Variants in DGKG observed in about 807,000 individuals in gnomAD.
DGKG encodes diacylglycerol kinase gamma, also known as DAG kinase gamma.
In DGKG, 78 loss-of-function variants were observed where a neutral mutation model predicts 105.3. The observed-to-expected ratio is 0.74, with a 90% CI of 0.62 to 0.89. The LOEUF (loss-of-function observed/expected upper bound fraction) is 0.89. DGKG is among the 40% of genes least tolerant of loss of function. DGKG has a pLI of 0.00. For synonymous variants in DGKG, 346 were observed against 367.1 expected (o/e 0.94, Z 0.66); for missense variants, 958 against 1,020.1 (o/e 0.94, Z 0.83).
At chr3:186,243,543 C>G (rs1347550866) in intron 19 of DGKG, among the ~76,000 whole-genome samples, 1 of 152,190 alleles carries the variant, frequency 6.6e-6, no homozygotes, top group Admixed American at 6.5e-5. Context: ...CTAGAGCCAA[C>G]CCTAAGCCTC....
chr3:186,211,778 C>A lies in DGKG; in HGVS notation c.1917+17G>T, dbSNP rs1160436351. 3 of 1,604,380 alleles carry A rather than the reference C, an allele frequency of 1.9e-6. No individual in the cohort carries two copies. Among genetic ancestry groups the A allele is most frequent in the Non-Finnish European group, 1.7e-6 (2 of 1,171,236 alleles). On this transcript the variant is annotated intron_variant, in intron 21 of 24. Coordinates refer to ENST00000265022, the MANE Select transcript of DGKG (RefSeq NM_001346.3). ...GAACCAAGATCCAGGAAGCCTTCTC[C>A]CCACTTGGGAACTTACCTCCAACTC...
At chr3:186,349,858 T>A (rs934533577) in intron 1 of DGKG, among the ~76,000 whole-genome samples, 2 of 152,044 alleles carry the variant, frequency 1.3e-5, no homozygotes, top group Non-Finnish European at 2.9e-5. Context: ...TACATTGTTG[T>A]GCAACCATTG....
chr3:186,310,391 G>A (rs1160756006), intron 2 of DGKG, among the ~76,000 whole-genome samples: 2 of 151,522 alleles, frequency 1.3e-5, no homozygotes, highest in Non-Finnish European at 2.9e-5. Flanking sequence ...GGCTTTCATA[G>A]GATTATAGTA....
rs1715681907 is a variant in DGKG at position 186,150,027 on chromosome 3, G to C, written c.*63C>G. On this transcript the variant is annotated 3_prime_UTR_variant, in exon 25 of 25. Coordinates refer to ENST00000265022, the MANE Select transcript of DGKG (RefSeq NM_001346.3). Reference sequence around the variant, plus strand: ...ATGTGTGAGTGTGCACATAAATTGTGTGTGAGTGTGCATTATAGTTTCTTG... The same window carrying C: ...ATGTGTGAGTGTGCACATAAATTGTCTGTGAGTGTGCATTATAGTTTCTTG... The C allele has an allele frequency of 6.4e-7, 1 of 1,562,026 alleles. No homozygotes were observed. The highest frequency in any genetic ancestry group is 8.7e-7 in the Non-Finnish European group (1 of 1,152,370).
rs111691516 is a variant in DGKG, at chr3:186,260,519, G to GA, written c.1350-7dup. On this transcript the variant is annotated splice_region_variant and splice_polypyrimidine_tract_variant and intron_variant, in intron 15 of 24. Transcript: ENST00000265022. ...AGTGGAATTTCCGAAGAATTCTATGGAAAAAAAAAGAAAAGGAGGGAGAGA... is the reference window on the plus strand; with the variant it reads ...AGTGGAATTTCCGAAGAATTCTATGGAAAAAAAAAAGAAAAGGAGGGAGAGA... The GA allele has an allele frequency of 1.6e-3, 2,571 of 1,566,006 alleles. 22 individuals carry two copies. The East Asian group carries it at 0.017, about 10-fold the overall frequency.
At chr3:186,312,787 C>A (rs1251433777) in intron 2 of DGKG, among the ~76,000 whole-genome samples, 1 of 152,156 alleles carries the variant, frequency 6.6e-6, no homozygotes, top group African/African-American at 2.4e-5. Context: ...ACAGAAGGGC[C>A]AGGGCCAAGA....
At chr3:186,227,931 G>A (rs1337229831) in intron 20 of DGKG, among the ~76,000 whole-genome samples, 1 of 152,094 alleles carries the variant, frequency 6.6e-6, no homozygotes, top group Non-Finnish European at 1.5e-5. Context: ...ATACTCTTAT[G>A]CAAAAGGGCA....
intron 3 of DGKG, among the ~76,000 whole-genome samples, chr3:186,301,109 C>T (rs970866050): frequency 3.9e-5 from 6 of 152,196 alleles, no homozygotes; most frequent in African/African-American, 1.2e-4. Context: ...TCTTCTGCAA[C>T]ATCTGTCACA....
chr3:186,252,045 G>T, intron 18 of DGKG, 126 bp from the exon 19 acceptor site: 1 of 864,718 alleles, frequency 1.2e-6, no homozygotes. Context: ...CTGTGTCTGT[G>T]GGCTAGAGAC....
At chr3:186,205,910 T>G (rs1378143260) in intron 21 of DGKG, among the ~76,000 whole-genome samples, 1 of 151,978 alleles carries the variant, frequency 6.6e-6, no homozygotes, top group Non-Finnish European at 1.5e-5. Context: ...ATTAAAAAAA[T>G]CCTCAATTAA....
chr3:186,295,226 G>T (rs1286526904), intron 5 of DGKG, among the ~76,000 whole-genome samples: 1 of 152,110 alleles, frequency 6.6e-6, no homozygotes, highest in African/African-American at 2.4e-5. Context: ...ATATAGGCTG[G>T]GCGGGGTGGC....
chr3:186,318,816 G>A (rs1431778444), intron 2 of DGKG, among the ~76,000 whole-genome samples: 1 of 152,212 alleles, frequency 6.6e-6, no homozygotes, highest in African/African-American at 2.4e-5. Context: ...ATAAGGCTTA[G>A]AGACAATAAA....
intron 9 of DGKG, 118 bp downstream of exon 9, chr3:186,279,733 G>T: frequency 8.3e-7 from 1 of 1,208,040 alleles, no homozygotes; most frequent in Non-Finnish European, 1.2e-6. Context: ...TTTGGGGCTG[G>T]TCATGGCACG....
Position 186,314,482 on chromosome 3 carries a change from C to T in DGKG, c.67+5911G>A, listed in dbSNP as rs548661763. Among the ~76,000 whole-genome samples, 62 of 152,228 alleles carry T rather than the reference C, an allele frequency of 4.1e-4. 2 individuals carry two copies. The South Asian group carries it at 0.012, about 29-fold the overall frequency. On this transcript the variant is annotated intron_variant, in intron 2 of 24. Transcript: ENST00000265022. ...CCAACTTAAAAATTCTGGCTGAGTG[C>T]GGTGGCTCACGCCTGTAGTCCCAGC...
chr3:186,308,983 G>C (rs755077519), intron 2 of DGKG, among the ~76,000 whole-genome samples: 11 of 152,210 alleles, frequency 7.2e-5, no homozygotes, highest in Non-Finnish European at 1.2e-4. Flanking sequence ...TCAAGAGCCA[G>C]GGTTGTAACT....
chr3:186,215,098 A>G (rs1719212593), intron 20 of DGKG, among the ~76,000 whole-genome samples: 1 of 152,102 alleles, frequency 6.6e-6, no homozygotes, highest in Admixed American at 6.5e-5. Context: ...GGCACGCCAC[A>G]CTCAGGGGTT....
chr3:186,325,224 C>T (rs939489242), intron 1 of DGKG, among the ~76,000 whole-genome samples: 1 of 151,940 alleles, frequency 6.6e-6, no homozygotes, highest in Non-Finnish European at 1.5e-5. Flanking sequence ...AAGTAAAAGA[C>T]ACTGGGGATT....
At chr3:186,316,845 C>T (rs150243348) in intron 2 of DGKG, among the ~76,000 whole-genome samples, 18 of 152,334 alleles carry the variant, frequency 1.2e-4, no homozygotes, top group East Asian at 9.6e-4. Context: ...TATGTGGTTA[C>T]GGAAGAGTGG....
intron 1 of DGKG, among the ~76,000 whole-genome samples, chr3:186,328,654 C>T (rs1323970779): frequency 1.3e-5 from 2 of 151,298 alleles, no homozygotes; most frequent in African/African-American, 2.4e-5. Flanking sequence ...CAGCTCACTG[C>T]AACCTCCACC....
Sources: gnomAD v4.1 joint callset for allele counts (sites outside exome capture counted in the v4.1 genomes callset) on GRCh38, gnomAD v4.1.1 for gene constraint, MANE v1.5 for transcripts, NCBI Gene and HGNC (gene_info 2026-07-23, HGNC 2026-07-21) for gene names.